Variants in MTRR observed in about 807,000 individuals in gnomAD.
The protein encoded by MTRR is 5-methyltetrahydrofolate-homocysteine methyltransferase reductase, also known as methionine synthase reductase.
In MTRR, 63 loss-of-function variants were observed where a neutral mutation model predicts 79.2. The ratio of observed to expected loss-of-function variants is 0.80; its 90% CI spans 0.65 to 0.98. The LOEUF is 0.98. MTRR is among the 50% of genes least tolerant of loss of function. MTRR has a pLI of 0.00. For missense variants in MTRR, 895 were observed against 839.6 expected, an observed-to-expected ratio of 1.07 and a Z score of -0.82; for synonymous variants, 355 against 313.3, an observed-to-expected ratio of 1.13 and a Z score of -1.41.
intron 1 of MTRR, chr5:7,869,604 C>T: frequency 4.0e-6 from 1 of 247,440 alleles, no homozygotes; most frequent in Non-Finnish European, 8.0e-6. Flanking sequence ...GTTCCGAGCG[C>T]CCACCCGGCG....
In MTRR at chr5:7,897,228, G is replaced by A. The variant is rs141002013; in HGVS notation, c.1933G>A (p.Gly645Ser). ...GGCGAGAATCCTCCTCCAGGAGAAC[G>A]GCCATATTTATGTGTGTGGGTGAGT... ...QVARILLQENGHIYVCGDAKN... is the reference protein window; with the variant it reads ...QVARILLQENSHIYVCGDAKN... The change falls in exon 14 of 15, where the codon GGC (glycine) becomes AGC (serine). Residue 645 changes from glycine (G) to serine (S), a missense_variant. Gly to Ser is a moderately conservative substitution (Grantham distance 56). Coordinates refer to ENST00000440940, the MANE Select transcript of MTRR (RefSeq NM_002454.3). The A allele has an allele frequency of 4.3e-6, 7 of 1,614,068 alleles. No homozygotes were observed. The highest frequency in any genetic ancestry group is 1.1e-5 in the South Asian group (1 of 91,068).
At chr5:7,857,639 C>G (rs1005403120) in intron 1 of MTRR, among the ~76,000 whole-genome samples, 1 of 152,232 alleles carries the variant, frequency 6.6e-6, no homozygotes, top group African/African-American at 2.4e-5. Context: ...TTCCCAGAGC[C>G]TTGACTGTGT....
chr5:7,882,371 C>T (rs777115508), intron 5 of MTRR, among the ~76,000 whole-genome samples: 10 of 152,216 alleles, frequency 6.6e-5, no homozygotes, highest in African/African-American at 2.4e-4. Context: ...TAGTCATTGT[C>T]AGCACTGCCA....
chr5:7,883,363 G>C (rs1411957784), intron 6 of MTRR, 86 bp downstream of exon 6: 4 of 1,564,520 alleles, frequency 2.6e-6, no homozygotes, highest in African/African-American at 1.4e-5. Flanking sequence ...TATATGCTGA[G>C]TGGTGTGCTG....
chr5:7,869,467 T>TG (rs1747482814), intron 1 of MTRR: 1 of 542,006 alleles, frequency 1.8e-6, no homozygotes. Context: ...CTGGGCGGCG[T>TG]GGGGTCTCTC....
chr5:7,894,087 C>T (rs1036112711), intron 11 of MTRR, among the ~76,000 whole-genome samples: 3 of 152,170 alleles, frequency 2.0e-5, no homozygotes, highest in African/African-American at 7.2e-5. Context: ...GTGCCTTTCA[C>T]CTACTCCTCC....
At chr5:7,863,490 T>C (rs1008240206) in intron 2 of MTRR, among the ~76,000 whole-genome samples, 3 of 152,226 alleles carry the variant, frequency 2.0e-5, no homozygotes, top group Non-Finnish European at 4.4e-5. Flanking sequence ...TGAAGCATTC[T>C]GGATTTCAAA....
intron 4 of MTRR, among the ~76,000 whole-genome samples, chr5:7,876,165 G>A (rs1734523494): frequency 1.3e-5 from 1 of 78,042 alleles, no homozygotes; most frequent in Admixed American, 1.7e-4. Context: ...TCGGCATACT[G>A]TATTTCTGCT....
At chr5:7,899,259 T>A (rs1043751931) in intron 14 of MTRR, among the ~76,000 whole-genome samples, 3 of 152,070 alleles carry the variant, frequency 2.0e-5, no homozygotes, top group African/African-American at 7.2e-5. Context: ...ACATCCAAAC[T>A]GGATCAGAGG....
chr5:7,876,236 T>C (rs1476105526), intron 4 of MTRR, among the ~76,000 whole-genome samples: 1 of 152,244 alleles, frequency 6.6e-6, no homozygotes, highest in African/African-American at 2.4e-5. Context: ...ATGGGTTTTT[T>C]CCATATCGCC....
rs533163734 is a variant in MTRR at position 7,900,135 on chromosome 5, TTA to T, written c.*78_*79del. 296 of 1,540,406 alleles carry T rather than the reference TTA, an allele frequency of 1.9e-4. No homozygotes were observed. In the African/African-American group the frequency reaches 3.6e-3, roughly 19 times the overall value. Reference sequence around the variant, plus strand: ...AGTCAGCTTTACTAGTGCCAAACCTTTAAATTTTCAAAAGAAAATTTTCTTTC... The same window carrying T: ...AGTCAGCTTTACTAGTGCCAAACCTTAATTTTCAAAAGAAAATTTTCTTTC... On this transcript the variant is annotated 3_prime_UTR_variant, in exon 15 of 15. Coordinates refer to ENST00000440940, the MANE Select transcript of MTRR (RefSeq NM_002454.3).
In MTRR at chr5:7,897,135, C is replaced by T; in HGVS notation, c.1840C>T (p.Pro614Ser). Reference sequence around the variant, plus strand: ...AAAGGTTTCCTTCTCAAGAGATGCTCCTGTTGGGGAGGAGGAAGCCCCAGC... The same window carrying T: ...AAAGGTTTCCTTCTCAAGAGATGCTTCTGTTGGGGAGGAGGAAGCCCCAGC... ...HLKVSFSRDA[P>S]VGEEEAPAKY... is the part of the protein sequence containing the mutation. The change falls in exon 14 of 15, where the codon CCT becomes TCT. Residue 614 changes from proline to serine, a missense_variant. Transcript: ENST00000440940. 1 of 1,614,098 alleles carries T rather than the reference C, an allele frequency of 6.2e-7. No individual in the cohort carries two copies. The highest frequency in any genetic ancestry group is 8.5e-7 in the Non-Finnish European group (1 of 1,180,020).
chr5:7,881,304 C>G (rs1198893265), intron 5 of MTRR, among the ~76,000 whole-genome samples: 1 of 152,014 alleles, frequency 6.6e-6, no homozygotes, highest in African/African-American at 2.4e-5. Flanking sequence ...TTAGCTAGCC[C>G]AGTGCTTTAG....
intron 1 of MTRR, among the ~76,000 whole-genome samples, chr5:7,851,741 C>T (rs1187196880): frequency 2.0e-5 from 3 of 152,174 alleles, no homozygotes; most frequent in Non-Finnish European, 4.4e-5. Flanking sequence ...GTGGACAGGG[C>T]TCTTGCAATC....
At chr5:7,891,838 C>T (rs1025920752) in intron 10 of MTRR, among the ~76,000 whole-genome samples, 2 of 152,016 alleles carry the variant, frequency 1.3e-5, no homozygotes, top group Non-Finnish European at 2.9e-5. Flanking sequence ...GTCAGGAGAT[C>T]AAGACCATCC....
Position 7,869,223 on chromosome 5 carries a change from G to A in MTRR, c.-26+8G>A, listed in dbSNP as rs374795934. On this transcript the variant is annotated splice_region_variant and intron_variant, in intron 1 of 14. Coordinates refer to ENST00000440940, the MANE Select transcript of MTRR (RefSeq NM_002454.3). ...CCGGCTGGCGCGGCGTGGGTAAGCT[G>A]CCTGTCGGCTACGGTTCCCGGATTC... 28 of 1,604,848 alleles carry A rather than the reference G, an allele frequency of 1.7e-5. No individual in the cohort carries two copies. In the South Asian group the frequency reaches 1.9e-4, roughly 11 times the overall value.
At position 7,875,384 on chromosome 5, in the gene MTRR, A is replaced by G. The variant is rs376866907; in HGVS notation, c.401+9A>G. ...GCAGATGACTGTGTAGGGTAAGGGC[A>G]GTGTTCTCTGTTTACTCCAATAAGC... On this transcript the variant is annotated intron_variant, in intron 4 of 14. Transcript: ENST00000440940. The G allele has an allele frequency of 6.9e-5, 109 of 1,589,818 alleles. No homozygotes were observed. Among genetic ancestry groups the G allele is most frequent in the Non-Finnish European group, 9.2e-5 (107 of 1,157,926 alleles).
At chr5:7,861,061 C>A (rs2126591719) in intron 1 of MTRR, 1 of 768,146 alleles carries the variant, frequency 1.3e-6, no homozygotes, top group South Asian at 1.9e-5. Context: ...TTTACTGTGC[C>A]TCAGATTACT....
intron 2 of MTRR, among the ~76,000 whole-genome samples, chr5:7,873,141 A>G (rs771582228): frequency 1.1e-4 from 16 of 151,910 alleles, no homozygotes; most frequent in African/African-American, 3.6e-4. Context: ...ATCCCCCCCA[A>G]CCTCTTGATG....
Sources: allele counts gnomAD v4.1 joint callset (sites outside exome capture counted in the v4.1 genomes callset), GRCh38; gene constraint gnomAD v4.1.1; transcripts MANE v1.5; gene names NCBI Gene and HGNC (gene_info 2026-07-23, HGNC 2026-07-21).